CTBP1: variants seen among roughly 807,000 people sequenced by gnomAD.
The protein encoded by CTBP1 is C-terminal-binding protein 1.
In CTBP1, 11 loss-of-function variants were observed where a neutral mutation model predicts 42.1. The observed-to-expected ratio is 0.26, with a 90% CI of 0.16 to 0.43. The LOEUF (loss-of-function observed/expected upper bound fraction) is 0.43, where lower values mean the gene tolerates loss of function less well. CTBP1 is among the 20% of genes least tolerant of loss of function. CTBP1 has a pLI of 1.00. For missense variants in CTBP1, 399 were observed against 624.3 expected, an observed-to-expected ratio of 0.64 and a Z score of 3.85; for synonymous variants, 324 against 277.1, an observed-to-expected ratio of 1.17 and a Z score of -1.68.
At chr4:1,223,334 G>C in intron 5 of CTBP1, 6 of 416,414 alleles carry the variant, frequency 1.4e-5, no homozygotes, top group South Asian at 1.0e-4. Context: ...GGTCCTGGTG[G>C]GGGCACCAGC....
chr4:1,213,696 G>A lies in CTBP1; in HGVS notation c.861-91C>T, dbSNP rs941603752. 4 of 1,491,940 alleles carry A rather than the reference G, an allele frequency of 2.7e-6. No individual in the cohort carries two copies. The African/African-American group carries it at 4.2e-5, about 16-fold the overall frequency. The allele number at this position is 1,491,940 out of a possible 1,614,324, so 92.4% of individuals were successfully genotyped here. A position where few individuals can be genotyped will look rare whatever the true frequency, so the allele number is the denominator to read the frequency against. ...CTGGGCACTGGAACCCCCTGTGGGG[G>A]GCCCTGCCTGGGAACCACAGACCCC... On this transcript the variant is annotated intron_variant, in intron 7 of 9. Coordinates refer to ENST00000382952, the MANE Select transcript of CTBP1 (RefSeq NM_001012614.2).
At chr4:1,226,041 CG>C (rs917444471) in intron 4 of CTBP1, among the ~76,000 whole-genome samples, 21 of 152,242 alleles carry the variant, frequency 1.4e-4, no homozygotes, top group African/African-American at 5.1e-4. Flanking sequence ...CAGGCCCAGC[CG>C]GGCCCCGAAG....
At chr4:1,226,866 G>A (rs1730405041) in intron 4 of CTBP1, among the ~76,000 whole-genome samples, 1 of 151,712 alleles carries the variant, frequency 6.6e-6, no homozygotes, top group Non-Finnish European at 1.5e-5. Flanking sequence ...ACCCCCAGAT[G>A]GAGGCATGGC....
At position 1,225,441 on chromosome 4, in the gene CTBP1, C is replaced by G; in HGVS notation, c.433G>C (p.Val145Leu). 3 of 1,546,902 alleles carry G rather than the reference C, an allele frequency of 1.9e-6. No individual in the cohort carries two copies. The highest frequency in any genetic ancestry group is 2.6e-6 in the Non-Finnish European group (3 of 1,148,850). The change falls in exon 5 of 10, where the codon GTC becomes CTC. Residue 145 changes from valine to leucine, a missense_variant. Val to Leu is a conservative substitution (Grantham distance 32, BLOSUM62 1). Around this residue, in one of 4 missense-constraint regions of CTBP1, gnomAD observed 309 missense variants for 497.5 expected, o/e 0.62. Coordinates refer to ENST00000382952, the MANE Select transcript of CTBP1 (RefSeq NM_001012614.2). ...LHQALREGTRVQSVEQIREVA... is the reference protein window; with the variant it reads ...LHQALREGTRLQSVEQIREVA... ...TCGCGGATCTGCTCGACGCTCTGGA[C>G]TCGTGTGCCCTCCCGCAGCGCCTGG... is the stretch of plus-strand genomic sequence containing the variant.
intron 1 of CTBP1, chr4:1,248,708 C>G (rs1233674641): frequency 1.0e-6 from 1 of 981,854 alleles, no homozygotes; most frequent in African/African-American, 1.8e-5. Flanking sequence ...CTCGCGCACA[C>G]GCAGCGGCCC....
At chr4:1,230,594 G>A (rs983307761) in intron 3 of CTBP1, among the ~76,000 whole-genome samples, 1 of 152,182 alleles carries the variant, frequency 6.6e-6, no homozygotes, top group Non-Finnish European at 1.5e-5. Context: ...GCAGAGGCTC[G>A]GCATGGACAG....
At chr4:1,243,804 A>T in intron 1 of CTBP1, 1 of 985,398 alleles carries the variant, frequency 1.0e-6, no homozygotes, top group African/African-American at 1.7e-5. Context: ...TGCTGTCCAA[A>T]TCCAGGACCC....
chr4:1,229,207 G>A (rs1730708011), intron 3 of CTBP1, among the ~76,000 whole-genome samples: 1 of 152,212 alleles, frequency 6.6e-6, no homozygotes. Flanking sequence ...CACACAGGTG[G>A]AGGAAGTGCC....
Position 1,236,799 on chromosome 4 carries a change from C to T in CTBP1, c.162+1384G>A. The T allele has an allele frequency of 1.2e-5, 8 of 660,376 alleles. No individual in the cohort carries two copies. In the East Asian group the frequency reaches 1.9e-4, roughly 16 times the overall value. The allele number at this position is 660,376 out of a possible 1,614,324, so 40.9% of individuals were successfully genotyped here. ...ACCCGGTGTCCACCTCCTGATGGGG[C>T]TCAGGGCAAACCGAATGTCCACCTC... On this transcript the variant is annotated intron_variant, in intron 3 of 9. Transcript: ENST00000382952.
At position 1,245,005 on chromosome 4, in the gene CTBP1, C is replaced by T. The variant is rs568908116; in HGVS notation, c.-188-3486G>A. ...AGAAGGCAGGCCCCCAAGAGGGAGC[C>T]GCACAGCAGCATGGAGCCACTGGGC... On this transcript the variant is annotated intron_variant, in intron 1 of 9. Transcript: ENST00000382952. 8 of 985,452 alleles carry T rather than the reference C, an allele frequency of 8.1e-6. No individual in the cohort carries two copies. In the South Asian group the frequency reaches 2.8e-4, roughly 35 times the overall value. The allele number at this position is 985,452 out of a possible 1,614,324, so 61.0% of individuals were successfully genotyped here.
At chr4:1,250,262 A>G (rs1024223532), upstream of CTBP1, 5 of 211,426 alleles carry the variant, frequency 2.4e-5, no homozygotes, top group South Asian at 2.2e-4. Flanking sequence ...CCCGCTGACA[A>G]TGCTGGGCCC....
At chr4:1,239,372 AC>A (rs1731918516) in intron 2 of CTBP1, among the ~76,000 whole-genome samples, 2 of 152,146 alleles carry the variant, frequency 1.3e-5, no homozygotes, top group Non-Finnish European at 2.9e-5. Context: ...AAGACCGGCC[AC>A]AGGAGACCAA....
At chr4:1,245,735 CGT>C (rs1732654694) in intron 1 of CTBP1, 1 of 960,486 alleles carries the variant, frequency 1.0e-6, no homozygotes, top group African/African-American at 1.8e-5. Flanking sequence ...CAGGGTGGCA[CGT>C]GTGGGTAGGG....
chr4:1,248,821 G>C, intron 1 of CTBP1, 95 bp downstream of exon 1: 3 of 918,726 alleles, frequency 3.3e-6, no homozygotes, highest in Non-Finnish European at 3.9e-6. Flanking sequence ...GCCCGCGGGC[G>C]CGCGCTCGGT....
chr4:1,231,428 G>A (rs940462320), intron 3 of CTBP1, among the ~76,000 whole-genome samples: 4 of 152,184 alleles, frequency 2.6e-5, no homozygotes, highest in Admixed American at 6.5e-5. Context: ...GCCCCACTCT[G>A]CTCAGTGCCC....
intron 1 of CTBP1, among the ~76,000 whole-genome samples, chr4:1,248,458 C>A (rs1226405251): frequency 1.3e-5 from 2 of 150,288 alleles, no homozygotes; most frequent in African/African-American, 4.9e-5. Flanking sequence ...GGCCCGGGAG[C>A]GCGCGCCCCA....
At chr4:1,229,028 C>T (rs775407652) in intron 3 of CTBP1, among the ~76,000 whole-genome samples, 15 of 152,220 alleles carry the variant, frequency 9.9e-5, no homozygotes, top group African/African-American at 2.4e-4. Context: ...ACTCTTAGAC[C>T]GGAACAGCTC....
rs1455880674 is a variant in CTBP1 at position 1,216,036 on chromosome 4, G to T, written c.684C>A (p.Leu228=). 2 of 1,611,644 alleles carry T rather than the reference G, an allele frequency of 1.2e-6. No homozygotes were observed. Among genetic ancestry groups the T allele is most frequent in the Admixed American group, 3.3e-5 (2 of 59,980 alleles). ...TGATGAGGTGGTGGTTGTGCTCGTT[G>T]AGGCCGCAGTGCAGGGTCACGCAGT... ...HSDCVTLHCG[L]NEHNHHLIND... is the part of the protein sequence containing the mutation. The change falls in exon 6 of 10, where the codon CTC becomes CTA. Residue 228 remains leucine, a synonymous_variant. Transcript: ENST00000382952.
intron 3 of CTBP1, chr4:1,236,261 C>G (rs571462159): frequency 4.4e-6 from 1 of 225,918 alleles, no homozygotes; most frequent in African/African-American, 2.3e-5. Context: ...TGATCCCTGG[C>G]TACAAGTAGA....
Sources: gnomAD v4.1 joint callset for allele counts (sites outside exome capture counted in the v4.1 genomes callset) on GRCh38, gnomAD v4.1.1 for gene constraint, gnomAD v4.1.1 regional missense constraint, MANE v1.5 for transcripts, NCBI Gene and HGNC (gene_info 2026-07-23, HGNC 2026-07-21) for gene names.